CD163L1: variants seen among roughly 807,000 people sequenced by gnomAD.
The protein encoded by CD163L1 is CD163 molecule like 1.
In CD163L1, 124 loss-of-function variants were observed where a neutral mutation model predicts 165.4. That is an observed-to-expected ratio of 0.75 (90% CI 0.65 to 0.87). The LOEUF is 0.87. CD163L1 is among the 40% of genes least tolerant of loss of function. The pLI is 0.00. For missense variants in CD163L1, 1,525 were observed against 1,799.9 expected, an observed-to-expected ratio of 0.85 and a Z score of 2.76; for synonymous variants, 585 against 662.2, an observed-to-expected ratio of 0.88 and a Z score of 1.79.
chr12:7,330,761 C>T, the CD163L1 span, among the ~76,000 whole-genome samples: 144 of 152,300 alleles, frequency 9.5e-4, no homozygotes, highest in Non-Finnish European at 1.8e-3. Context: ...ATGCTGAAGT[C>T]CAAGTGGCTA....
intron 2 of CD163L1, among the ~76,000 whole-genome samples, chr12:7,437,582 G>A (rs1040436317): frequency 2.6e-5 from 4 of 151,350 alleles, no homozygotes; most frequent in Non-Finnish European, 5.9e-5. Flanking sequence ...GAGAACATGC[G>A]GTGTTTGGTT....
chr12:7,421,110 TGGAAGA>T, intron 4 of CD163L1, among the ~76,000 whole-genome samples: 5 of 110,130 alleles, frequency 4.5e-5, no homozygotes, highest in Admixed American at 1.3e-4. Context: ...TATATACATT[TGGAAGA>T]AAATGTATAT....
chr12:7,379,237 C>T lies in CD163L1; in HGVS notation c.2112G>A (p.Glu704=), dbSNP rs761019818. ...GGSSRCAGKV[E]VNVQGAVGIL... Reference sequence around the variant, plus strand: ...TTCCCACGGCACCCTGGACATTCACCTCAACTTTTCCAGCACACCTGCTGC... The same window carrying T: ...TTCCCACGGCACCCTGGACATTCACTTCAACTTTTCCAGCACACCTGCTGC... Residue 704 remains glutamate (E), a synonymous_variant, in exon 9 of 20, where the codon GAG becomes GAA. Transcript: ENST00000313599. 2 of 1,614,160 alleles carry T rather than the reference C, an allele frequency of 1.2e-6. No individual in the cohort carries two copies. Among genetic ancestry groups the T allele is most frequent in the South Asian group, 2.2e-5 (2 of 91,078 alleles).
chr12:7,433,234 G>C, intron 3 of CD163L1, 140 bp downstream of exon 3: 1 of 631,198 alleles, frequency 1.6e-6, no homozygotes, highest in Non-Finnish European at 2.5e-6. Flanking sequence ...TTGGAAATAA[G>C]GGAAGGGTAG....
At chr12:7,388,783 G>C (rs1333069017) in intron 8 of CD163L1, among the ~76,000 whole-genome samples, 2 of 150,506 alleles carry the variant, frequency 1.3e-5, no homozygotes, top group Non-Finnish European at 3.0e-5. Context: ...CAAAGGATAG[G>C]AATAGACATG....
chr12:7,429,485 C>T (rs994814179), intron 4 of CD163L1, among the ~76,000 whole-genome samples: 1 of 152,040 alleles, frequency 6.6e-6, no homozygotes, highest in African/African-American at 2.4e-5. Context: ...GAATATCCAC[C>T]TACATATCTT....
chr12:7,356,570 G>C lies in CD163L1; in HGVS notation c.*24+810C>G, dbSNP rs74796516. On this transcript the variant is annotated intron_variant, in intron 19 of 19. Coordinates refer to ENST00000313599, the MANE Select transcript of CD163L1 (RefSeq NM_174941.6). ...ATAAAAAATTTAGAATTATCTTTGG[G>C]CTACGCAGAAATGCTGTTTTCAGAA... Among the ~76,000 whole-genome samples, 518 of 152,178 alleles carry C rather than the reference G, an allele frequency of 3.4e-3. 5 individuals carry two copies. Among genetic ancestry groups the C allele is most frequent in the African/African-American group, 0.011 (462 of 41,530 alleles).
At position 7,372,739 on chromosome 12, in the gene CD163L1, A is replaced by C. The variant is rs1947171062; in HGVS notation, c.3730+581T>G. ...TTGTACAAAAGGAAGACTAATAGTT[A>C]ATGTTTCTGAATATTAGTAATGGTT... On this transcript the variant is annotated intron_variant, in intron 14 of 19. Coordinates refer to ENST00000313599, the MANE Select transcript of CD163L1 (RefSeq NM_174941.6). The surrounding 1 kb of genome is among the most constrained non-coding windows in gnomAD (Gnocchi z 4.2). 6.6e-6 allele frequency among the ~76,000 whole-genome samples: 1 copy of C among 151,900 alleles called. No individual in the cohort carries two copies. Among genetic ancestry groups the C allele is most frequent in the African/African-American group, 2.4e-5 (1 of 41,418 alleles).
intron 9 of CD163L1, 131 bp downstream of exon 9, chr12:7,378,847 G>T: frequency 1.5e-6 from 1 of 647,858 alleles, no homozygotes; most frequent in Non-Finnish European, 2.5e-6. Flanking sequence ...CTAGATAGAG[G>T]GTAGGATTAC....
chr12:7,403,424 G>T (rs898597332), intron 6 of CD163L1, 111 bp downstream of exon 6: 105 of 999,902 alleles, frequency 1.1e-4, no homozygotes, highest in East Asian at 1.6e-4. Context: ...AGTATTTTGG[G>T]TTTTTTTTTA....
chr12:7,379,344 G>C (rs755795148), intron 8 of CD163L1, 46 bp from the exon 9 acceptor site: 1 of 1,575,048 alleles, frequency 6.3e-7, no homozygotes, highest in South Asian at 1.2e-5. Flanking sequence ...CTCTATGTGA[G>C]ACATTAAAGA....
In CD163L1 at chr12:7,406,859, C is replaced by T. The variant is rs1555200366; in HGVS notation, c.767-7G>A. 6.2e-7 allele frequency: 1 copy of T among 1,612,572 alleles called. No homozygotes were observed. The highest frequency in any genetic ancestry group is 8.5e-7 in the Non-Finnish European group (1 of 1,179,512). ...AGTTCAAGATCACTACTATCTGAAA[C>T]AGAGATATAAACACAAAGCCCAGGT... On this transcript the variant is annotated splice_region_variant and splice_polypyrimidine_tract_variant and intron_variant, in intron 4 of 19. Transcript: ENST00000313599.
At chr12:7,392,185 C>G (rs1002693808) in intron 8 of CD163L1, among the ~76,000 whole-genome samples, 2 of 152,072 alleles carry the variant, frequency 1.3e-5, no homozygotes, top group Non-Finnish European at 2.9e-5. Context: ...TAAAGCACTC[C>G]TCAGCAAATG....
At chr12:7,404,396 CA>C in intron 5 of CD163L1, among the ~76,000 whole-genome samples, 1 of 152,028 alleles carries the variant, frequency 6.6e-6, no homozygotes, top group African/African-American at 2.4e-5. Context: ...TACGAAGAAG[CA>C]AGCCTTTGCT....
At position 7,394,868 on chromosome 12, in the gene CD163L1, G is replaced by C. The variant is rs747508540; in HGVS notation, c.2050+1227C>G. Reference sequence around the variant, plus strand: ...ATGCTCATCATCACTGGCCATCCGAGAAATGCAAATCAAAACCACAGTGAG... The same window carrying C: ...ATGCTCATCATCACTGGCCATCCGACAAATGCAAATCAAAACCACAGTGAG... On this transcript the variant is annotated intron_variant, in intron 8 of 19. Transcript: ENST00000313599. 3.3e-5 allele frequency among the ~76,000 whole-genome samples: 5 copies of C among 152,258 alleles called. No individual in the cohort carries two copies. The South Asian group carries it at 1.0e-3, about 32-fold the overall frequency.
chr12:7,338,535 G>A, the CD163L1 span, among the ~76,000 whole-genome samples: 1 of 152,114 alleles, frequency 6.6e-6, no homozygotes, highest in Admixed American at 6.6e-5. Context: ...AGTAAGATTG[G>A]CTCTAGGGCT....
At chr12:7,328,981 T>C in the CD163L1 span, among the ~76,000 whole-genome samples, 1 of 148,598 alleles carries the variant, frequency 6.7e-6, no homozygotes, top group Non-Finnish European at 1.5e-5. Flanking sequence ...TATATACATA[T>C]GTGTATATAC....
intron 14 of CD163L1, among the ~76,000 whole-genome samples, chr12:7,370,758 G>A (rs1027097637): frequency 2.6e-5 from 4 of 151,648 alleles, no homozygotes; most frequent in Admixed American, 6.6e-5. Flanking sequence ...ATTTTTTCTC[G>A]TCATTTTTGT....
intron 4 of CD163L1, among the ~76,000 whole-genome samples, chr12:7,421,931 C>A (rs905174269): frequency 6.6e-5 from 10 of 151,884 alleles, no homozygotes; most frequent in Non-Finnish European, 1.5e-4. Context: ...CCACAGTGCT[C>A]GAGCTCTGCT....
Sources: gnomAD v4.1 joint callset for allele counts (sites outside exome capture counted in the v4.1 genomes callset) on GRCh38, gnomAD v4.1.1 for gene constraint, Gnocchi (gnomAD v3.1) non-coding constraint, MANE v1.5 for transcripts, NCBI Gene and HGNC (gene_info 2026-07-23, HGNC 2026-07-21) for gene names.